The following PSD3 variants were observed in gnomAD, a reference collection of about 807,000 sequenced individuals.
PSD3 encodes the protein PH and SEC7 domain-containing protein 3.
In PSD3, 49 loss-of-function variants were observed where a neutral mutation model predicts 105.5. The observed-to-expected ratio is 0.46, with a 90% CI of 0.37 to 0.59. The LOEUF (loss-of-function observed/expected upper bound fraction) is 0.59, where lower values mean the gene tolerates loss of function less well. Ranked by LOEUF, PSD3 falls within the 20% of genes least tolerant of loss-of-function variation. The probability of loss-of-function intolerance (pLI) is 0.00; values close to 1 mark genes in which losing one functional copy is unlikely to be tolerated. For missense variants in PSD3, 1,561 were observed against 1,263.8 expected (o/e 1.24, Z -3.57); for synonymous variants, 557 against 457.8 (o/e 1.22, Z -2.77).
chr8:18,731,832 T>C (rs1803772490), intron 9 of PSD3, among the ~76,000 whole-genome samples: 1 of 152,168 alleles, frequency 6.6e-6, no homozygotes. Flanking sequence ...AAACTCTCCT[T>C]GGAGTGTCTG....
chr8:18,671,663 C>A (rs1373196737), intron 9 of PSD3, among the ~76,000 whole-genome samples: 1 of 150,654 alleles, frequency 6.6e-6, no homozygotes, highest in African/African-American at 2.4e-5. Context: ...GATGGAGTCT[C>A]GCTTTGTCGC....
intron 2 of PSD3, among the ~76,000 whole-genome samples, chr8:18,913,118 C>CAT (rs1820357512): frequency 6.6e-6 from 1 of 151,318 alleles, no homozygotes; most frequent in South Asian, 2.1e-4. Flanking sequence ...CACACACACA[C>CAT]ACACACTCTC....
intron 10 of PSD3, among the ~76,000 whole-genome samples, chr8:18,645,778 C>A (rs969939932): frequency 2.0e-5 from 3 of 152,092 alleles, no homozygotes; most frequent in Admixed American, 2.0e-4. Context: ...TGTATGAGCA[C>A]CTCAAGTGGA....
chr8:18,685,062 T>G (rs1386055538), intron 9 of PSD3, among the ~76,000 whole-genome samples: 1 of 152,146 alleles, frequency 6.6e-6, no homozygotes, highest in Non-Finnish European at 1.5e-5. Context: ...TTAATATAAA[T>G]AACAAAACTT....
chr8:18,769,167 G>T (rs1225462055), intron 8 of PSD3, among the ~76,000 whole-genome samples: 1 of 152,098 alleles, frequency 6.6e-6, no homozygotes, highest in African/African-American at 2.4e-5. Flanking sequence ...GATATGTTCT[G>T]GGGAGATGAA....
intron 1 of PSD3, among the ~76,000 whole-genome samples, chr8:18,942,300 A>G (rs888268685): frequency 1.3e-5 from 2 of 152,204 alleles, no homozygotes; most frequent in Non-Finnish European, 2.9e-5. Context: ...ACTCAAAACT[A>G]ACACTTGGTT....
intron 9 of PSD3, among the ~76,000 whole-genome samples, chr8:18,711,983 C>T (rs1284299142): frequency 1.3e-5 from 2 of 152,000 alleles, no homozygotes; most frequent in African/African-American, 2.4e-5. Flanking sequence ...CATATAAAAC[C>T]ACACAACTAC....
intron 9 of PSD3, among the ~76,000 whole-genome samples, chr8:18,704,782 G>A (rs1337443912): frequency 6.6e-6 from 1 of 151,946 alleles, no homozygotes; most frequent in East Asian, 1.9e-4. Context: ...ATTAAAAACT[G>A]AAAGTAGAAA....
chr8:18,933,834 C>T (rs1466604992), intron 2 of PSD3, among the ~76,000 whole-genome samples: 2 of 151,996 alleles, frequency 1.3e-5, no homozygotes, highest in African/African-American at 4.8e-5. Context: ...AAAGAGTAAA[C>T]AGATGATTAG....
intron 4 of PSD3, among the ~76,000 whole-genome samples, chr8:18,842,868 A>T (rs1814760931): frequency 6.6e-6 from 1 of 152,330 alleles, no homozygotes; most frequent in African/African-American, 2.4e-5. Flanking sequence ...ATGCAATGTT[A>T]AGGTACAGAA....
chr8:18,753,505 AAAC>A (rs920986216), intron 9 of PSD3, among the ~76,000 whole-genome samples: 15 of 152,160 alleles, frequency 9.9e-5, no homozygotes, highest in African/African-American at 4.8e-5. Flanking sequence ...GTTTCTGCAA[AAAC>A]AACAATTTAG....
intron 1 of PSD3, among the ~76,000 whole-genome samples, chr8:19,059,525 G>A (rs1828821912): frequency 6.6e-6 from 1 of 152,168 alleles, no homozygotes. Flanking sequence ...TAAGATTTAA[G>A]CCAGTATCAG....
At chr8:19,068,341 G>A (rs1030800335) in intron 1 of PSD3, among the ~76,000 whole-genome samples, 2 of 151,050 alleles carry the variant, frequency 1.3e-5, no homozygotes. Flanking sequence ...CCAGGCTGGA[G>A]TGCCATGGCA....
chr8:18,618,782 G>C (rs1265503711), intron 11 of PSD3, among the ~76,000 whole-genome samples: 1 of 152,010 alleles, frequency 6.6e-6, no homozygotes, highest in African/African-American at 2.4e-5. Context: ...CTGGGCTCAA[G>C]CAATCCTCCC....
intron 1 of PSD3, among the ~76,000 whole-genome samples, chr8:19,038,323 C>G (rs1022290116): frequency 3.9e-5 from 6 of 152,162 alleles, no homozygotes; most frequent in Non-Finnish European, 7.4e-5. Flanking sequence ...AAACTAACCA[C>G]TTTGCCTGAA....
At chr8:18,865,269 TATATATATATATATATA>T (rs1472087863) in intron 4 of PSD3, 197 of 4,992 alleles carry the variant, frequency 0.039, 11 homozygotes, top group Non-Finnish European at 0.045. Flanking sequence ...TATATATATA[TATATATATATATATATA>T]TTTTTTTTTT....
chr8:18,841,069 G>A (rs1586190586), intron 4 of PSD3, among the ~76,000 whole-genome samples: 1 of 152,308 alleles, frequency 6.6e-6, no homozygotes. Context: ...AGGATAGAAA[G>A]CAGAAGAAAG....
At chr8:18,756,363 T>TA (rs1239306771) in intron 9 of PSD3, among the ~76,000 whole-genome samples, 1 of 152,198 alleles carries the variant, frequency 6.6e-6, no homozygotes, top group Non-Finnish European at 1.5e-5. Flanking sequence ...GTCTGCTTCT[T>TA]CCTCTTGTGT....
chr8:19,062,649 C>A (rs79994576), intron 1 of PSD3, among the ~76,000 whole-genome samples: 2,202 of 152,208 alleles, frequency 0.014, 70 homozygotes, highest in African/African-American at 0.05. Flanking sequence ...AAGTAAAAGA[C>A]ACATACTAAT....
Sources: gnomAD v4.1 joint callset for allele counts (sites outside exome capture counted in the v4.1 genomes callset) on GRCh38, gnomAD v4.1.1 for gene constraint, MANE v1.5 for transcripts, NCBI Gene and HGNC (gene_info 2026-07-23, HGNC 2026-07-21) for gene names.